Variants in PTPRN2 observed in about 807,000 individuals in gnomAD.
PTPRN2 encodes receptor-type tyrosine-protein phosphatase N2.
In PTPRN2, 74 loss-of-function variants were observed where a neutral mutation model predicts 118.8. The observed-to-expected ratio is 0.62, with a 90% CI of 0.52 to 0.76. The LOEUF (loss-of-function observed/expected upper bound fraction) is 0.76. PTPRN2 is among the 30% of genes least tolerant of loss of function. The pLI, the probability that PTPRN2 is intolerant of heterozygous loss-of-function variation, is 0.00. For missense variants in PTPRN2, 1,481 were observed against 1,394.4 expected (o/e 1.06, Z -0.99); for synonymous variants, 641 against 608.0 (o/e 1.05, Z -0.80).
intron 12 of PTPRN2, among the ~76,000 whole-genome samples, chr7:157,692,884 A>C (rs959133452): frequency 2.0e-5 from 3 of 151,872 alleles, no homozygotes; most frequent in African/African-American, 7.3e-5. Context: ...GGTCAGAGAG[A>C]AGCGGTACTC....
intron 2 of PTPRN2, among the ~76,000 whole-genome samples, chr7:158,450,497 C>T (rs1416171968): frequency 1.3e-5 from 2 of 152,212 alleles, no homozygotes; most frequent in Admixed American, 1.3e-4. Flanking sequence ...CCAAACAGCA[C>T]TCAAGAAATA....
chr7:158,466,000 C>A (rs907426531), intron 2 of PTPRN2, among the ~76,000 whole-genome samples: 2 of 152,196 alleles, frequency 1.3e-5, no homozygotes, highest in African/African-American at 4.8e-5. Flanking sequence ...CATGATGCAT[C>A]CATGCAGTAA....
At chr7:158,274,187 C>G (rs1306579951) in intron 3 of PTPRN2, among the ~76,000 whole-genome samples, 1 of 99,678 alleles carries the variant, frequency 1.0e-5, no homozygotes, top group Middle Eastern at 9.8e-3. Flanking sequence ...AGGAGACACA[C>G]GAGGAGCCGC....
At chr7:158,293,116 G>A (rs1800230086) in intron 3 of PTPRN2, among the ~76,000 whole-genome samples, 1 of 152,134 alleles carries the variant, frequency 6.6e-6, no homozygotes, top group Non-Finnish European at 1.5e-5. Flanking sequence ...GACCATGAAT[G>A]GAGCCTGCAG....
At chr7:158,557,101 G>C (rs537858208) in intron 1 of PTPRN2, among the ~76,000 whole-genome samples, 1 of 116,156 alleles carries the variant, frequency 8.6e-6, no homozygotes, top group African/African-American at 3.4e-5. Context: ...TGTGCAGGTC[G>C]CTCCTGGGCA....
intron 1 of PTPRN2, among the ~76,000 whole-genome samples, chr7:158,562,914 A>G (rs1424952549): frequency 1.3e-5 from 2 of 152,338 alleles, no homozygotes; most frequent in Non-Finnish European, 2.9e-5. Flanking sequence ...CAGGCCCTTT[A>G]AAGACCAGAA....
chr7:158,191,993 C>A (rs1468180008), intron 5 of PTPRN2, among the ~76,000 whole-genome samples: 3 of 152,210 alleles, frequency 2.0e-5, no homozygotes, highest in African/African-American at 7.2e-5. Flanking sequence ...CGGATCCTTT[C>A]TCAAAGGGTG....
chr7:158,377,465 G>A (rs575505878), intron 2 of PTPRN2, among the ~76,000 whole-genome samples: 3 of 152,336 alleles, frequency 2.0e-5, no homozygotes, highest in East Asian at 3.9e-4. Flanking sequence ...GCATCATCAC[G>A]CATAAGAAAA....
At chr7:157,715,686 C>T (rs949992910) in intron 12 of PTPRN2, among the ~76,000 whole-genome samples, 3 of 152,252 alleles carry the variant, frequency 2.0e-5, no homozygotes, top group Non-Finnish European at 2.9e-5. Flanking sequence ...ATCCACTCAG[C>T]GCCAGACTGC....
intron 2 of PTPRN2, among the ~76,000 whole-genome samples, chr7:158,377,001 C>T (rs1183080992): frequency 1.5e-5 from 2 of 133,416 alleles, no homozygotes; most frequent in Non-Finnish European, 1.6e-5. Flanking sequence ...TCCCACAGCC[C>T]TGTCACATGT....
intron 3 of PTPRN2, among the ~76,000 whole-genome samples, chr7:158,309,779 T>C (rs1018853487): frequency 1.3e-5 from 2 of 152,200 alleles, no homozygotes; most frequent in Non-Finnish European, 2.9e-5. Context: ...ACTATGGTCA[T>C]AGAATACACA....
chr7:158,151,961 C>T (rs1821224691), intron 6 of PTPRN2, among the ~76,000 whole-genome samples: 1 of 151,976 alleles, frequency 6.6e-6, no homozygotes, highest in Non-Finnish European at 1.5e-5. Flanking sequence ...ATCACAAGGT[C>T]AGGAGATCAA....
rs1585123119 is a variant in PTPRN2, at chr7:157,620,462, G to A, written c.2344+900C>T. Among the ~76,000 whole-genome samples the A allele has an allele frequency of 2.0e-5, 3 of 152,350 alleles. No individual in the cohort carries two copies. The South Asian group carries it at 6.2e-4, about 32-fold the overall frequency. Reference sequence around the variant, plus strand: ...CTCAGTTTGTGGAAATAATTGTAAAGTTAAAGATGCTGTAAAAGCAACCAC... The same window carrying A: ...CTCAGTTTGTGGAAATAATTGTAAAATTAAAGATGCTGTAAAAGCAACCAC... On this transcript the variant is annotated intron_variant, in intron 15 of 22. Transcript: ENST00000389418.
intron 2 of PTPRN2, among the ~76,000 whole-genome samples, chr7:158,383,789 T>G (rs1351268586): frequency 1.3e-5 from 2 of 152,226 alleles, no homozygotes; most frequent in African/African-American, 4.8e-5. Context: ...CGCACACATA[T>G]GTCTCAGAGA....
At chr7:158,125,902 C>T (rs1213451395) in intron 9 of PTPRN2, among the ~76,000 whole-genome samples, 1 of 152,182 alleles carries the variant, frequency 6.6e-6, no homozygotes, top group Non-Finnish European at 1.5e-5. Context: ...TCCTGGCACC[C>T]TGCTGGTTCT....
chr7:158,152,411 G>A (rs186609049), intron 6 of PTPRN2, among the ~76,000 whole-genome samples: 285 of 152,280 alleles, frequency 1.9e-3, no homozygotes, highest in African/African-American at 6.5e-3. Context: ...CACTAAGGCC[G>A]TGGGCAGAAG....
intron 3 of PTPRN2, among the ~76,000 whole-genome samples, chr7:158,293,904 T>A (rs1351473277): frequency 1.3e-5 from 2 of 152,222 alleles, no homozygotes; most frequent in African/African-American, 4.8e-5. Flanking sequence ...TCATCTCCTA[T>A]GAGAAGAATG....
intron 10 of PTPRN2, among the ~76,000 whole-genome samples, chr7:158,091,665 G>C (rs1034763632): frequency 1.3e-5 from 2 of 151,154 alleles, no homozygotes; most frequent in African/African-American, 4.9e-5. Flanking sequence ...TGGGTAGAGA[G>C]ATGGTTGGTT....
At chr7:157,652,455 G>A (rs1262260679) in intron 14 of PTPRN2, among the ~76,000 whole-genome samples, 1 of 152,244 alleles carries the variant, frequency 6.6e-6, no homozygotes, top group Non-Finnish European at 1.5e-5. Flanking sequence ...TCTCAGCTCT[G>A]ACACCTTGCT....
Sources: allele counts gnomAD v4.1 joint callset (sites outside exome capture counted in the v4.1 genomes callset), GRCh38; gene constraint gnomAD v4.1.1; transcripts MANE v1.5; gene names NCBI Gene and HGNC (gene_info 2026-07-23, HGNC 2026-07-21).